The following BNC2 variants were observed in gnomAD, a reference collection of about 807,000 sequenced individuals.
BNC2 encodes the protein zinc finger protein basonuclin-2.
BNC2 carries 20 observed loss-of-function variants against 76.3 expected under a neutral mutation model. That is an observed-to-expected ratio of 0.26 (90% CI 0.18 to 0.38). The LOEUF is 0.38. BNC2 is among the 10% of genes least tolerant of loss of function. BNC2 has a pLI of 1.00. For missense variants in BNC2, 1,382 were observed against 1,399.8 expected, an observed-to-expected ratio of 0.99 and a Z score of 0.20; for synonymous variants, 582 against 514.8, an observed-to-expected ratio of 1.13 and a Z score of -1.77.
chr9:16,622,193 A>G (rs1324015923), intron 3 of BNC2, among the ~76,000 whole-genome samples: 2 of 152,272 alleles, frequency 1.3e-5, no homozygotes, highest in East Asian at 3.9e-4. Flanking sequence ...TACTTTTCAC[A>G]CTTTCATTCC....
intron 1 of BNC2, among the ~76,000 whole-genome samples, chr9:16,779,373 T>C (rs1056764328): frequency 1.3e-5 from 2 of 151,286 alleles, no homozygotes; most frequent in African/African-American, 2.4e-5. Context: ...ATTTAAGAAG[T>C]ATCCAAGAGG....
chr9:16,610,419 T>C (rs1293255364), intron 3 of BNC2, among the ~76,000 whole-genome samples: 1 of 152,122 alleles, frequency 6.6e-6, no homozygotes, highest in East Asian at 1.9e-4. Flanking sequence ...ACAATGTATG[T>C]ATGACAAGAA....
intron 5 of BNC2, among the ~76,000 whole-genome samples, chr9:16,548,883 AC>A (rs1563834534): frequency 6.6e-6 from 1 of 152,230 alleles, no homozygotes; most frequent in Non-Finnish European, 1.5e-5. Context: ...TTAATATATT[AC>A]CTGACTTCTT....
intron 1 of BNC2, among the ~76,000 whole-genome samples, chr9:16,846,821 G>A (rs1362107821): frequency 6.6e-6 from 1 of 152,184 alleles, no homozygotes; most frequent in Non-Finnish European, 1.5e-5. Context: ...TGAAAACTTT[G>A]AGTAAAAAGA....
Position 16,436,759 on chromosome 9 carries a change from C to T in BNC2, c.1435G>A (p.Val479Ile). 2 of 1,614,116 alleles carry T rather than the reference C, an allele frequency of 1.2e-6. No individual in the cohort carries two copies. The highest frequency in any genetic ancestry group is 4.5e-5 in the East Asian group (2 of 44,860). ...HRCTIEGCNMVFSSLRSRNRH... is the reference protein window; with the variant it reads ...HRCTIEGCNMIFSSLRSRNRH... Reference sequence around the variant, plus strand: ...TTACGACTTCGGAGGGAGCTAAAGACCATGTTGCAACCTTCAATGGTGCAT... The same window carrying T: ...TTACGACTTCGGAGGGAGCTAAAGATCATGTTGCAACCTTCAATGGTGCAT... The change falls in exon 6 of 7, where the codon GTC becomes ATC. Residue 479 changes from valine to isoleucine, a missense_variant. By Grantham distance (29) the Val-to-Ile change is conservative (BLOSUM62 3). Around this residue, in one of 3 missense-constraint regions of BNC2, gnomAD observed 27 missense variants for 83.4 expected, o/e 0.32. Coordinates refer to ENST00000380672, the MANE Select transcript of BNC2 (RefSeq NM_017637.6).
chr9:16,819,424 A>G (rs1309032885), intron 1 of BNC2, among the ~76,000 whole-genome samples: 1 of 152,240 alleles, frequency 6.6e-6, no homozygotes, highest in Admixed American at 6.5e-5. Flanking sequence ...GCACACTGGA[A>G]GGCCAAGCTG....
At chr9:16,706,659 TTTTTC>T (rs1823683459) in intron 3 of BNC2, among the ~76,000 whole-genome samples, 1 of 152,180 alleles carries the variant, frequency 6.6e-6, no homozygotes, top group Non-Finnish European at 1.5e-5. Flanking sequence ...TTAAAAGACT[TTTTTC>T]TTTTTCTTTC....
intron 1 of BNC2, among the ~76,000 whole-genome samples, chr9:16,789,962 T>C (rs1817455728): frequency 6.6e-6 from 1 of 152,202 alleles, no homozygotes; most frequent in African/African-American, 2.4e-5. Flanking sequence ...TGCATGATAA[T>C]GCAATACCAC....
rs115881748 is a variant in BNC2 at position 16,442,059 on chromosome 9, C to A, written c.670-4535G>T. On this transcript the variant is annotated intron_variant, in intron 5 of 6. Coordinates refer to ENST00000380672, the MANE Select transcript of BNC2 (RefSeq NM_017637.6). ...CAATTTTGTAGCTGGTAAGTCAATT[C>A]TTTTAGGTTTTCCCATTTGTAACCA... is the stretch of plus-strand genomic sequence containing the variant. Among the ~76,000 whole-genome samples, 285 of 152,232 alleles carry A rather than the reference C, an allele frequency of 1.9e-3. 3 individuals are homozygous for A. The highest frequency in any genetic ancestry group is 6.3e-3 in the African/African-American group (262 of 41,526).
intron 5 of BNC2, among the ~76,000 whole-genome samples, chr9:16,511,428 T>TC (rs1299112723): frequency 2.1e-5 from 3 of 141,574 alleles, no homozygotes; most frequent in African/African-American, 7.9e-5. Context: ...TACTTTTTTT[T>TC]TTTTTTTTTT....
chr9:16,844,944 C>T (rs186294196), intron 1 of BNC2, among the ~76,000 whole-genome samples: 82 of 152,234 alleles, frequency 5.4e-4, no homozygotes, highest in South Asian at 3.5e-3. Flanking sequence ...CAGGAGGCAG[C>T]CCCCCAGTTG....
intron 3 of BNC2, among the ~76,000 whole-genome samples, chr9:16,658,315 G>A (rs949534570): frequency 1.3e-5 from 2 of 152,142 alleles, no homozygotes; most frequent in Non-Finnish European, 2.9e-5. Flanking sequence ...GAGTCAGGGG[G>A]AGTACTGTAA....
At chr9:16,523,935 G>C (rs1386567363) in intron 5 of BNC2, among the ~76,000 whole-genome samples, 3 of 152,038 alleles carry the variant, frequency 2.0e-5, no homozygotes, top group African/African-American at 7.3e-5. Context: ...ACTCCAGCCT[G>C]GACAACAATT....
chr9:16,712,227 C>G (rs1254906253), intron 3 of BNC2, among the ~76,000 whole-genome samples: 1 of 152,074 alleles, frequency 6.6e-6, no homozygotes, highest in Non-Finnish European at 1.5e-5. Flanking sequence ...TTCTATAATT[C>G]TGAATATAAT....
chr9:16,515,222 T>A (rs549220939), intron 5 of BNC2, among the ~76,000 whole-genome samples: 1 of 152,270 alleles, frequency 6.6e-6, no homozygotes, highest in African/African-American at 2.4e-5. Context: ...AAGAAGCCAA[T>A]AGTCTGTGGC....
intron 1 of BNC2, among the ~76,000 whole-genome samples, chr9:16,858,592 C>G (rs1469917646): frequency 6.6e-6 from 1 of 152,136 alleles, no homozygotes; most frequent in Admixed American, 6.6e-5. Flanking sequence ...CGCCTGTAAT[C>G]CCAGCACTTT....
chr9:16,495,623 A>G (rs1822372277), intron 5 of BNC2, among the ~76,000 whole-genome samples: 1 of 152,208 alleles, frequency 6.6e-6, no homozygotes, highest in Admixed American at 6.5e-5. Context: ...CACCACGGCC[A>G]AGCCATGTGC....
At chr9:16,749,212 C>G (rs1042758495) in intron 1 of BNC2, among the ~76,000 whole-genome samples, 1 of 151,944 alleles carries the variant, frequency 6.6e-6, no homozygotes, top group African/African-American at 2.4e-5. Context: ...GCTGGAGAGA[C>G]TATATGTAAA....
chr9:16,532,798 T>TA (rs1356806985), intron 5 of BNC2, among the ~76,000 whole-genome samples: 1 of 152,228 alleles, frequency 6.6e-6, no homozygotes, highest in African/African-American at 2.4e-5. Flanking sequence ...ATGGTGGAAA[T>TA]ACCATATAAT....
Sources: gnomAD v4.1 joint callset for allele counts (sites outside exome capture counted in the v4.1 genomes callset) on GRCh38, gnomAD v4.1.1 for gene constraint, gnomAD v4.1.1 regional missense constraint, MANE v1.5 for transcripts, NCBI Gene and HGNC (gene_info 2026-07-23, HGNC 2026-07-21) for gene names.